The following ASIC2 variants were observed in gnomAD, a reference collection of about 807,000 sequenced individuals.
ASIC2 encodes acid-sensing ion channel 2.
Under a neutral mutation model 57.3 loss-of-function variants are expected in ASIC2, and 25 were observed. The observed-to-expected ratio is 0.44, with a 90% CI of 0.32 to 0.61. The LOEUF (loss-of-function observed/expected upper bound fraction) is 0.61. ASIC2 is among the 20% of genes least tolerant of loss of function. The pLI, the probability that ASIC2 is intolerant of heterozygous loss-of-function variation, is 0.06. For synonymous variants in ASIC2, 319 were observed against 307.5 expected (o/e 1.04, Z -0.39); for missense variants, 641 against 738.1 (o/e 0.87, Z 1.52).
At chr17:33,366,933 T>G (rs1007034) in intron 1 of ASIC2, among the ~76,000 whole-genome samples, 43,930 of 152,204 alleles carry the variant, frequency 0.29, 7,240 homozygotes, top group Non-Finnish European at 0.36. Flanking sequence ...CTTTGTTAGG[T>G]GGCAAATAGT....
At chr17:33,900,603 A>G (rs750526788) in intron 1 of ASIC2, among the ~76,000 whole-genome samples, 4 of 98,908 alleles carry the variant, frequency 4.0e-5, no homozygotes, top group Non-Finnish European at 8.1e-5. Context: ...CAGCCTAGTG[A>G]TAAGTACTTA....
intron 1 of ASIC2, among the ~76,000 whole-genome samples, chr17:33,772,246 C>A (rs1416325972): frequency 6.6e-6 from 1 of 152,042 alleles, no homozygotes; most frequent in Admixed American, 6.6e-5. Flanking sequence ...TGTCCCACAT[C>A]CAGAGGAAAG....
At chr17:34,106,445 A>G (rs551528500) in intron 1 of ASIC2, among the ~76,000 whole-genome samples, 18 of 152,160 alleles carry the variant, frequency 1.2e-4, no homozygotes, top group Middle Eastern at 3.4e-3. Flanking sequence ...CACTCCTTCC[A>G]TATTGATTAG....
At chr17:33,414,184 T>C (rs1910758251) in intron 1 of ASIC2, among the ~76,000 whole-genome samples, 1 of 152,062 alleles carries the variant, frequency 6.6e-6, no homozygotes, top group South Asian at 2.1e-4. Context: ...GTGCATACAT[T>C]GGAGGCAGGA....
chr17:33,866,280 A>G (rs1914235181), intron 1 of ASIC2, among the ~76,000 whole-genome samples: 1 of 152,132 alleles, frequency 6.6e-6, no homozygotes, highest in Non-Finnish European at 1.5e-5. Flanking sequence ...TTCTGTACCA[A>G]TTTACACCCC....
chr17:33,969,610 G>T (rs917824388), intron 1 of ASIC2, among the ~76,000 whole-genome samples: 1 of 152,196 alleles, frequency 6.6e-6, no homozygotes, highest in Non-Finnish European at 1.5e-5. Context: ...CGTCCCACTG[G>T]GGTCTCTGGG....
chr17:33,764,075 C>T (rs183353355), intron 1 of ASIC2, among the ~76,000 whole-genome samples: 1,723 of 152,144 alleles, frequency 0.011, 16 homozygotes, highest in Non-Finnish European at 0.015. Flanking sequence ...AGGCGGATCA[C>T]GAGGTCAGGA....
intron 1 of ASIC2, among the ~76,000 whole-genome samples, chr17:34,135,508 A>G (rs909221407): frequency 1.3e-5 from 2 of 152,198 alleles, no homozygotes; most frequent in African/African-American, 4.8e-5. Flanking sequence ...TGATGCCTGG[A>G]CATCAACCCA....
In ASIC2 at chr17:33,015,961, C is replaced by G. The variant is rs1337476231; in HGVS notation, c.1590+10G>C. On this transcript the variant is annotated intron_variant, in intron 9 of 9. Transcript: ENST00000225823. ...AGCAGAACAACTTCCAATCAGTGAG[C>G]TGCTCTTACCACATTCTCATCGTGG... 4.3e-6 allele frequency: 7 copies of G among 1,613,986 alleles called. No homozygotes were observed. The highest frequency in any genetic ancestry group is 5.1e-6 in the Non-Finnish European group (6 of 1,179,876).
intron 1 of ASIC2, among the ~76,000 whole-genome samples, chr17:33,430,273 G>T (rs1283183482): frequency 6.6e-6 from 1 of 152,100 alleles, no homozygotes; most frequent in Non-Finnish European, 1.5e-5. Flanking sequence ...ACCTTCAAGG[G>T]TTTTATGGGA....
At chr17:33,037,176 A>G (rs1433732210) in intron 3 of ASIC2, among the ~76,000 whole-genome samples, 1 of 150,302 alleles carries the variant, frequency 6.7e-6, no homozygotes, top group African/African-American at 2.4e-5. Flanking sequence ...TACATTGCTC[A>G]ATATTGGATC....
At chr17:33,842,105 C>A in intron 1 of ASIC2, among the ~76,000 whole-genome samples, 1 of 152,184 alleles carries the variant, frequency 6.6e-6, no homozygotes, top group East Asian at 1.9e-4. Context: ...GACATAACCG[C>A]ATGGCCCAGA....
At chr17:33,702,096 G>A (rs1268254948) in intron 1 of ASIC2, among the ~76,000 whole-genome samples, 2 of 152,150 alleles carry the variant, frequency 1.3e-5, no homozygotes, top group Non-Finnish European at 2.9e-5. Context: ...TCAATGTGAC[G>A]TCACAGACAA....
chr17:33,191,055 C>T (rs74251443), intron 1 of ASIC2, among the ~76,000 whole-genome samples: 10,043 of 152,080 alleles, frequency 0.066, 477 homozygotes, highest in East Asian at 0.21. Context: ...TTGTAGGAGC[C>T]CCGAACTGGA....
In ASIC2 at chr17:33,934,166, C is replaced by T. The variant is rs547144527; in HGVS notation, c.555+221812G>A. On this transcript the variant is annotated intron_variant, in intron 1 of 9. Transcript: ENST00000359872. ...CTGAACTTCCCAGGAAGCACATTCTCGGCAGGCCTGCCCTGTGATCTCACC... is the reference window on the plus strand; with the variant it reads ...CTGAACTTCCCAGGAAGCACATTCTTGGCAGGCCTGCCCTGTGATCTCACC... Among the ~76,000 whole-genome samples the T allele has an allele frequency of 2.7e-3, 408 of 152,222 alleles. 2 individuals are homozygous for T. Among genetic ancestry groups the T allele is most frequent in the African/African-American group, 9.0e-3 (375 of 41,542 alleles).
At chr17:33,782,876 C>T (rs567113467) in intron 1 of ASIC2, among the ~76,000 whole-genome samples, 28 of 152,300 alleles carry the variant, frequency 1.8e-4, no homozygotes, top group Admixed American at 1.0e-3. Flanking sequence ...GACCTTATCT[C>T]CTCCTCTCCG....
intron 1 of ASIC2, among the ~76,000 whole-genome samples, chr17:33,939,453 C>T (rs1916137466): frequency 6.6e-6 from 1 of 152,186 alleles, no homozygotes; most frequent in Non-Finnish European, 1.5e-5. Flanking sequence ...AGGGAAGAGG[C>T]TATCTAAGGT....
chr17:33,388,574 T>C (rs1023360497), intron 1 of ASIC2, among the ~76,000 whole-genome samples: 1 of 152,190 alleles, frequency 6.6e-6, no homozygotes, highest in Non-Finnish European at 1.5e-5. Context: ...TTCTTAAGGA[T>C]ACAGACTTTT....
intron 1 of ASIC2, among the ~76,000 whole-genome samples, chr17:33,356,938 G>T (rs1318402998): frequency 2.9e-4 from 5 of 17,400 alleles, no homozygotes; most frequent in African/African-American, 1.2e-3. Context: ...AAGGAAGCGG[G>T]ACTTCTTTCC....
Sources: allele counts gnomAD v4.1 joint callset (sites outside exome capture counted in the v4.1 genomes callset), GRCh38; gene constraint gnomAD v4.1.1; transcripts MANE v1.5; gene names NCBI Gene and HGNC (gene_info 2026-07-23, HGNC 2026-07-21).